The following C18orf54 variants were observed in gnomAD, a reference collection of about 807,000 sequenced individuals.
The protein encoded by C18orf54 is chromosome 18 open reading frame 54, also known as lung adenoma susceptibility protein 2.
A neutral mutation model predicts 49.3 loss-of-function variants in C18orf54; 49 were observed. The ratio of observed to expected loss-of-function variants is 0.99; its 90% CI spans 0.79 to 1.26. The LOEUF is 1.26. C18orf54 is among the 50% of genes most tolerant of loss of function. C18orf54 has a pLI of 0.00. For missense variants in C18orf54, 687 were observed against 620.6 expected (o/e 1.11, Z -1.14); for synonymous variants, 211 against 216.6 (o/e 0.97, Z 0.23).
At chr18:54,360,877 T>G (rs778477103) in intron 3 of C18orf54, 22 bp downstream of exon 3, 1 of 1,591,604 alleles carries the variant, frequency 6.3e-7, no homozygotes, top group Admixed American at 1.7e-5. Flanking sequence ...TTCTTTGTTT[T>G]CTTTGTGTTC....
chr18:54,360,472 GTT>G (rs2089242341), intron 2 of C18orf54, 53 bp from the exon 3 acceptor site: 2 of 1,143,656 alleles, frequency 1.7e-6, no homozygotes, highest in African/African-American at 1.6e-5. Flanking sequence ...TAGTAATTTT[GTT>G]TGTGTATGGT....
intron 8 of C18orf54, among the ~76,000 whole-genome samples, chr18:54,375,000 G>A (rs16958129): frequency 0.11 from 16,373 of 151,598 alleles, 2,999 homozygotes; most frequent in African/African-American, 0.38. Flanking sequence ...GTAAACTTAC[G>A]AATCTAATTG....
Position 54,361,837 on chromosome 18 carries a change from G to A in C18orf54, c.478G>A (p.Gly160Ser), listed in dbSNP as rs1028462977. Residue 160 changes from glycine (G) to serine (S), a missense_variant, in exon 4 of 9, where the codon GGT becomes AGT. Gly to Ser is a moderately conservative substitution (Grantham distance 56, BLOSUM62 0). Coordinates refer to ENST00000620105, the MANE Select transcript of C18orf54 (RefSeq NM_001288980.2). The part of the protein sequence containing the change: ...KKNKKCRGRL[G>S]SLDIEKNPHF... Reference sequence around the variant, plus strand: ...AAACAAGAAATGCCGTGGAAGACTGGGTTCATTGGACATTGAGAAGAATCC... The same window carrying A: ...AAACAAGAAATGCCGTGGAAGACTGAGTTCATTGGACATTGAGAAGAATCC... 8.7e-6 allele frequency: 14 copies of A among 1,613,976 alleles called. No homozygotes were observed. Among genetic ancestry groups the A allele is most frequent in the Non-Finnish European group, 1.2e-5 (14 of 1,179,968 alleles).
intron 5 of C18orf54, 118 bp downstream of exon 5, chr18:54,363,039 CT>C: frequency 1.0e-6 from 1 of 971,844 alleles, no homozygotes; most frequent in South Asian, 1.8e-5. Flanking sequence ...TAGAACATAG[CT>C]TTGTGTTACT....
intron 5 of C18orf54, among the ~76,000 whole-genome samples, chr18:54,364,141 ATAC>A (rs1376833238): frequency 1.5e-5 from 1 of 67,112 alleles, no homozygotes; most frequent in Non-Finnish European, 2.7e-5. Context: ...TGAGATATAT[ATAC>A]ATATTTTTTT....
intron 7 of C18orf54, among the ~76,000 whole-genome samples, chr18:54,372,876 G>T (rs1359190177): frequency 2.6e-5 from 4 of 151,816 alleles, no homozygotes; most frequent in Non-Finnish European, 4.4e-5. Context: ...GTATCAAAGG[G>T]TTGTAAGAGT....
chr18:54,362,183 A>G lies in C18orf54; in HGVS notation c.824A>G (p.Asn275Ser), dbSNP rs1301679340. The change falls in exon 4 of 9, where the codon AAT becomes AGT. Residue 275 changes from asparagine (N) to serine (S), a missense_variant. Transcript: ENST00000620105. ...LHNQDLLPDA[N>S]SQRVYQIFKD... ...AATCAAGACTTGCTACCTGATGCAAATAGTCAAAGGGTTTATCAGATATTT... is the reference window on the plus strand; with the variant it reads ...AATCAAGACTTGCTACCTGATGCAAGTAGTCAAAGGGTTTATCAGATATTT... 4 of 1,536,086 alleles carry G rather than the reference A, an allele frequency of 2.6e-6. No individual in the cohort carries two copies. The highest frequency in any genetic ancestry group is 1.7e-4 in the Middle Eastern group (1 of 6,012).
chr18:54,376,600 C>A (rs2089575172), intron 8 of C18orf54, among the ~76,000 whole-genome samples: 1 of 152,194 alleles, frequency 6.6e-6, no homozygotes, highest in African/African-American at 2.4e-5. Flanking sequence ...TCCCAAAGTG[C>A]TGGATTACAG....
At position 54,361,714 on chromosome 18, in the gene C18orf54, G is replaced by C; in HGVS notation, c.355G>C (p.Asp119His). The C allele has an allele frequency of 1.2e-6, 2 of 1,613,908 alleles. No homozygotes were observed. The highest frequency in any genetic ancestry group is 1.7e-6 in the Non-Finnish European group (2 of 1,179,854). Residue 119 changes from aspartate to histidine, a missense_variant, in exon 4 of 9, where the codon GAC becomes CAC. By Grantham distance (81) the Asp-to-His change is moderately conservative. Transcript: ENST00000620105. ...SCRRHTVNDI[D>H]SMSLTTDDLL... is the part of the protein sequence containing the mutation. ...TAGAAGACACACCGTTAATGACATA[G>C]ACTCCATGAGCCTAACAACTGATGA...
Position 54,374,228 on chromosome 18 carries a change from T to C in C18orf54, c.1473T>C (p.Asp491=). ...TTTAATAATAGGTTTCAGAAGATGA[T>C]TTCTCTAAATTACAGTTGAAGGAAA... is the stretch of plus-strand genomic sequence containing the variant. The part of the protein sequence containing the change: ...KEEIKQVSED[D]FSKLQLKESM... The change falls in exon 8 of 9, where the codon GAT becomes GAC. Residue 491 remains aspartate, a synonymous_variant. Transcript: ENST00000620105. 6.3e-7 allele frequency: 1 copy of C among 1,578,350 alleles called. No homozygotes were observed. Among genetic ancestry groups the C allele is most frequent in the Non-Finnish European group, 8.6e-7 (1 of 1,161,388 alleles).
intron 6 of C18orf54, among the ~76,000 whole-genome samples, chr18:54,368,930 C>T (rs2089437025): frequency 6.6e-6 from 1 of 152,166 alleles, no homozygotes; most frequent in Non-Finnish European, 1.5e-5. Flanking sequence ...CAAATTGTTT[C>T]AGGTTAGGCC....
chr18:54,361,809 GA>G lies in C18orf54; in HGVS notation c.455del (p.Asn152ThrfsTer40). The stretch of plus-strand genomic sequence containing the variant: ...TTGGACCGAGTCACCGAACGAGCAA[GA>G]AAAACAAGAAATGCCGTGGAAGACT... Reference protein sequence around the residue: ...YVGPSHRTSKKNKKCRGRLGS... With the variant: ...YVGPSHRTSKXNKKCRGRLGS... On this transcript the variant is annotated frameshift_variant, in exon 4 of 9. Coordinates refer to ENST00000620105, the MANE Select transcript of C18orf54 (RefSeq NM_001288980.2). LOFTEE classifies it high-confidence loss of function. 6.2e-7 allele frequency: 1 copy of G among 1,614,022 alleles called. No homozygotes were observed. The highest frequency in any genetic ancestry group is 8.5e-7 in the Non-Finnish European group (1 of 1,179,978).
Position 54,368,778 on chromosome 18 carries a change from CT to C in C18orf54, c.1326+2964del, listed in dbSNP as rs1174231626. ...TTTAGTATCCATTTGTGAATCCTATCTTTTTTTCTATATTTATTAACTGAAA... is the reference window on the plus strand; with the variant it reads ...TTTAGTATCCATTTGTGAATCCTATCTTTTTTCTATATTTATTAACTGAAA... On this transcript the variant is annotated intron_variant, in intron 6 of 8. Transcript: ENST00000620105. Among the ~76,000 whole-genome samples, 18 of 152,040 alleles carry C rather than the reference CT, an allele frequency of 1.2e-4. 1 individual carries two copies. The highest frequency in any genetic ancestry group is 3.6e-4 in the African/African-American group (15 of 41,414).
chr18:54,360,447 A>G, intron 2 of C18orf54, 80 bp from the exon 3 acceptor site: 1 of 838,738 alleles, frequency 1.2e-6, no homozygotes. Flanking sequence ...GAAAATTACA[A>G]AAGGTTTACA....
rs138875869 is a variant in C18orf54 at position 54,379,981 on chromosome 18, A to G, written c.*1735A>G. 1.2e-4 allele frequency: 19 copies of G among 152,240 alleles called. No individual in the cohort carries two copies. Among genetic ancestry groups the G allele is most frequent in the Non-Finnish European group, 1.9e-4 (13 of 67,944 alleles). 9.4% of individuals were successfully genotyped at this position (152,240 alleles called of 1,614,324 possible). On this transcript the variant is annotated 3_prime_UTR_variant, in exon 9 of 9. Coordinates refer to ENST00000620105, the MANE Select transcript of C18orf54 (RefSeq NM_001288980.2). ...CCTGTTCTAAAATCTTATAGCCAGT[A>G]TTTTAAGAAACTTGATTATACTTAC... is the stretch of plus-strand genomic sequence containing the variant.
chr18:54,369,895 G>A (rs901790312), intron 6 of C18orf54, among the ~76,000 whole-genome samples: 6 of 144,108 alleles, frequency 4.2e-5, no homozygotes, highest in Non-Finnish European at 9.0e-5. Flanking sequence ...AATACTGCTA[G>A]TTGGTTCATT....
At chr18:54,372,414 T>C in intron 6 of C18orf54, 52 bp from the exon 7 acceptor site, 3 of 1,391,238 alleles carry the variant, frequency 2.2e-6, no homozygotes, top group Non-Finnish European at 2.8e-6. Flanking sequence ...AAAACTCTTC[T>C]TTCCCTGAGC....
rs778015417 is a variant in C18orf54, at chr18:54,361,671, C to T, written c.312C>T (p.His104=). Residue 104 remains histidine (H), a synonymous_variant, in exon 4 of 9, where the codon CAC becomes CAT. Transcript: ENST00000620105. ...TTGAAAACCTTGATCACAAAAAGCA[C>T]TCAAACTTCATATCCTGTAGAAGAC... ...NAFENLDHKK[H]SNFISCRRHT... is the part of the protein sequence containing the mutation. The T allele has an allele frequency of 1.3e-6, 2 of 1,594,392 alleles. No individual in the cohort carries two copies. Among genetic ancestry groups the T allele is most frequent in the Non-Finnish European group, 1.7e-6 (2 of 1,172,504 alleles).
At chr18:54,360,071 C>G (rs1381500480) in intron 2 of C18orf54, among the ~76,000 whole-genome samples, 7 of 152,094 alleles carry the variant, frequency 4.6e-5, no homozygotes, top group Non-Finnish European at 7.4e-5. Context: ...TTGAATACTT[C>G]ATTTGATGGC....
Sources: allele counts gnomAD v4.1 joint callset (sites outside exome capture counted in the v4.1 genomes callset), GRCh38; gene constraint gnomAD v4.1.1; transcripts MANE v1.5; gene names NCBI Gene and HGNC (gene_info 2026-07-23, HGNC 2026-07-21).